RNF113A: variants seen among roughly 807,000 people sequenced by gnomAD.
The protein encoded by RNF113A is ring finger protein 113A.
For synonymous variants in RNF113A, 80 were observed against 110.5 expected (o/e 0.72, Z 1.73); for missense variants, 180 against 285.4 (o/e 0.63, Z 2.66).
rs781318480 is a variant in RNF113A at position 119,871,055 on chromosome X, C to T, written c.559G>A (p.Glu187Lys). The T allele has an allele frequency of 1.7e-6, 2 of 1,211,748 alleles. No homozygotes were observed. Among genetic ancestry groups the T allele is most frequent in the South Asian group, 1.8e-5 (1 of 56,995 alleles). The change falls in exon 1 of 1, where the codon GAG (glutamate) becomes AAG (lysine). Residue 187 changes from glutamate (E) to lysine (K), a missense_variant. Glu to Lys is a moderately conservative substitution (Grantham distance 56). Transcript: ENST00000371442. ...CAGCGCACGGTGGCACGTAGATGCT[C>T]GGGCGCTCGGATGGGGCCCTTCCTC... is the stretch of plus-strand genomic sequence containing the variant. ...MVRKGPIRAP[E>K]HLRATVRWDY...
At position 119,871,378 on chromosome X, in the gene RNF113A, G is replaced by A. The variant is rs778095662; in HGVS notation, c.236C>T (p.Ala79Val). 1 of 1,209,736 alleles carries A rather than the reference G, an allele frequency of 8.3e-7. No homozygotes were observed. Among genetic ancestry groups the A allele is most frequent in the East Asian group, 3.0e-5 (1 of 33,734 alleles). The change falls in exon 1 of 1, where the codon GCT becomes GTT. Residue 79 changes from alanine (A) to valine (V), a missense_variant. Physicochemically the swap from Ala to Val is moderately conservative, Grantham distance 64. Transcript: ENST00000371442. ...CTCTTCGCTGCTCAAGTCGCCGTAA[G>A]CCGCCTTCTGTTTACCACTGTCACG... is the stretch of plus-strand genomic sequence containing the variant. ...KTRDSGKQKAAYGDLSSEEEE... is the reference protein window; with the variant it reads ...KTRDSGKQKAVYGDLSSEEEE...
Position 119,871,628 on chromosome X carries a change from C to T in RNF113A, c.-15G>A. ...TGCTCTGCCATTTTAGAGTCCTGAG[C>T]TCCGAAACAGCCGTGGCTGCCTGGG... On this transcript the variant is annotated 5_prime_UTR_variant, in exon 1 of 1. Coordinates refer to ENST00000371442, the MANE Select transcript of RNF113A (RefSeq NM_006978.3). 8.6e-7 allele frequency: 1 copy of T among 1,168,864 alleles called. No individual in the cohort carries two copies. The highest frequency in any genetic ancestry group is 1.1e-6 in the Non-Finnish European group (1 of 874,824).
Position 119,870,514 on chromosome X carries a change from A to C in RNF113A, c.*68T>G. 9.8e-7 allele frequency: 1 copy of C among 1,017,983 alleles called. No individual in the cohort carries two copies. The highest frequency in any genetic ancestry group is 1.3e-6 in the Non-Finnish European group (1 of 751,382). The allele number at this position is 1,017,983 out of a possible 1,213,427, so 83.9% of individuals were successfully genotyped here. ...TGCTCTGTCACTTTCTCTACAAAGG[A>C]AGGACACGAAGTAAGACTTCCAAAA... On this transcript the variant is annotated 3_prime_UTR_variant, in exon 1 of 1. Coordinates refer to ENST00000371442, the MANE Select transcript of RNF113A (RefSeq NM_006978.3).
chrX:119,871,046 G>A lies in RNF113A; in HGVS notation c.568C>T (p.Arg190Cys), dbSNP rs2056407658. 1 of 1,209,763 alleles carries A rather than the reference G, an allele frequency of 8.3e-7. No individual in the cohort carries two copies. Residue 190 changes from arginine (R) to cysteine (C), a missense_variant, in exon 1 of 1, where the codon CGT becomes TGT. Physicochemically the swap from Arg to Cys is radical, Grantham distance 180. Transcript: ENST00000371442. The part of the protein sequence containing the change: ...KGPIRAPEHL[R>C]ATVRWDYQPD... ...TGGTAATCCCAGCGCACGGTGGCAC[G>A]TAGATGCTCGGGCGCTCGGATGGGG...
rs746787077 is a variant in RNF113A, at chrX:119,871,289, C to T, written c.325G>A (p.Val109Met). Residue 109 changes from valine (V) to methionine (M), a missense_variant, in exon 1 of 1, where the codon GTG becomes ATG. Transcript: ENST00000371442. Reference sequence around the variant, plus strand: ...GTCGCTCCCATATCCTCTGGTCCCACGGGTTTCGCCGAACGGGTGGATTTA... The same window carrying T: ...GTCGCTCCCATATCCTCTGGTCCCATGGGTTTCGCCGAACGGGTGGATTTA... ...VYKSTRSAKP[V>M]GPEDMGATAV... is the part of the protein sequence containing the mutation. 51 of 1,209,435 alleles carry T rather than the reference C, an allele frequency of 4.2e-5. No individual in the cohort carries two copies. The highest frequency in any genetic ancestry group is 5.6e-5 in the Non-Finnish European group (50 of 895,256).
chrX:119,871,709 C>A lies in RNF113A; in HGVS notation c.-96G>T. On this transcript the variant is annotated 5_prime_UTR_variant, in exon 1 of 1. Coordinates refer to ENST00000371442, the MANE Select transcript of RNF113A (RefSeq NM_006978.3). ...TTGCGCGCTCCGCCGGGAGTCGAAG[C>A]AAAAGACACTGACGGAAGAGGACTG... 1.0e-6 allele frequency: 1 copy of A among 978,904 alleles called. No homozygotes were observed. The highest frequency in any genetic ancestry group is 1.4e-6 in the Non-Finnish European group (1 of 708,378). The allele number at this position is 978,904 out of a possible 1,213,427, so 80.7% of individuals were successfully genotyped here.
At position 119,871,389 on chromosome X, in the gene RNF113A, T is replaced by C. The variant is rs370353872; in HGVS notation, c.225A>G (p.Lys75=). The change falls in exon 1 of 1, where the codon AAA becomes AAG. Residue 75 remains lysine (K), a synonymous_variant. Transcript: ENST00000371442. ...PMIQKTRDSG[K]QKAAYGDLSS... ...TCAAGTCGCCGTAAGCCGCCTTCTG[T>C]TTACCACTGTCACGGGTCTTCTGTA... 1 of 1,209,724 alleles carries C rather than the reference T, an allele frequency of 8.3e-7. No individual in the cohort carries two copies. The highest frequency in any genetic ancestry group is 1.1e-6 in the Non-Finnish European group (1 of 895,172).
In RNF113A at chrX:119,871,191, C is replaced by T. The variant is rs2147812492; in HGVS notation, c.423G>A (p.Gln141=). ...QAIFERSQKI[Q]EELRGKEDDK... is the part of the protein sequence containing the mutation. Reference sequence around the variant, plus strand: ...CATCCTCCTTGCCCCTCAGCTCCTCCTGGATCTTCTGGCTGCGCTCAAAGA... The same window carrying T: ...CATCCTCCTTGCCCCTCAGCTCCTCTTGGATCTTCTGGCTGCGCTCAAAGA... The change falls in exon 1 of 1, where the codon CAG becomes CAA. Residue 141 remains glutamine (Q), a synonymous_variant. Transcript: ENST00000371442. 2.5e-6 allele frequency: 3 copies of T among 1,211,226 alleles called. No individual in the cohort carries two copies. Among genetic ancestry groups the T allele is most frequent in the Non-Finnish European group, 1.1e-6 (1 of 895,591 alleles).
In RNF113A at chrX:119,871,510, G is replaced by A. The variant is rs2147812702; in HGVS notation, c.104C>T (p.Ala35Val). 1.1e-5 allele frequency: 13 copies of A among 1,212,312 alleles called. No individual in the cohort carries two copies. The highest frequency in any genetic ancestry group is 1.5e-5 in the Non-Finnish European group (13 of 895,609). The change falls in exon 1 of 1, where the codon GCC (alanine) becomes GTC (valine). Residue 35 changes from alanine to valine, a missense_variant. By Grantham distance (64) the Ala-to-Val change is moderately conservative. Coordinates refer to ENST00000371442, the MANE Select transcript of RNF113A (RefSeq NM_006978.3). ...KGAAGRRKRPACDPEPGESGS... is the reference protein window; with the variant it reads ...KGAAGRRKRPVCDPEPGESGS... The stretch of plus-strand genomic sequence containing the variant: ...GCTTTCTCCGGGCTCTGGGTCGCAG[G>A]CCGGGCGCTTTCTGCGTCCAGCAGC...
rs1198122235 is a variant in RNF113A at position 119,871,338 on chromosome X, C to T, written c.276G>A (p.Glu92=). 4.1e-6 allele frequency: 5 copies of T among 1,211,687 alleles called. No individual in the cohort carries two copies. In the South Asian group the frequency reaches 8.8e-5, roughly 21 times the overall value. The part of the protein sequence containing the change: ...DLSSEEEEEN[E]PESLGVVYKS... ...TATAAACCACGCCGAGACTCTCGGG[C>T]TCATTTTCCTCTTCCTCTTCGCTGC... Residue 92 remains glutamate, a synonymous_variant, in exon 1 of 1, where the codon GAG becomes GAA. Transcript: ENST00000371442.
rs2056412240 is a variant in RNF113A at position 119,871,715 on chromosome X, A to T, written c.-102T>A. ...GCTCCGCCGGGAGTCGAAGCAAAAG[A>T]CACTGACGGAAGAGGACTGCGAGAG... On this transcript the variant is annotated 5_prime_UTR_variant, in exon 1 of 1. Coordinates refer to ENST00000371442, the MANE Select transcript of RNF113A (RefSeq NM_006978.3). 1.0e-6 allele frequency: 1 copy of T among 961,938 alleles called. No homozygotes were observed. The highest frequency in any genetic ancestry group is 1.4e-6 in the Non-Finnish European group (1 of 692,862). 79.3% of individuals were successfully genotyped at this position (961,938 alleles called of 1,213,427 possible). A position where few individuals can be genotyped will look rare whatever the true frequency, so the allele number is the denominator to read the frequency against.
Position 119,871,447 on chromosome X carries a change from G to A in RNF113A, c.167C>T (p.Pro56Leu), listed in dbSNP as rs908412913. The A allele has an allele frequency of 8.3e-7, 1 of 1,210,556 alleles. No homozygotes were observed. Among genetic ancestry groups the A allele is most frequent in the African/African-American group, 1.7e-5 (1 of 57,359 alleles). Reference protein sequence around the residue: ...SSDEGCTVVRPEKKRVTHNPM... With the variant: ...SSDEGCTVVRLEKKRVTHNPM... ...ATTGTGGGTCACCCGCTTCTTTTCC[G>A]GTCGAACCACAGTGCAGCCTTCGTC... The change falls in exon 1 of 1, where the codon CCG becomes CTG. Residue 56 changes from proline to leucine, a missense_variant. Coordinates refer to ENST00000371442, the MANE Select transcript of RNF113A (RefSeq NM_006978.3).
At position 119,871,014 on chromosome X, in the gene RNF113A, G is replaced by A; in HGVS notation, c.600C>T (p.Asp200=). 6 of 1,211,739 alleles carry A rather than the reference G, an allele frequency of 5.0e-6. No individual in the cohort carries two copies. Among genetic ancestry groups the A allele is most frequent in the Non-Finnish European group, 6.7e-6 (6 of 895,585 alleles). ...CAGTCTCTTTGTAGTCCTTACAGATGTCGGGCTGGTAATCCCAGCGCACGG... is the reference window on the plus strand; with the variant it reads ...CAGTCTCTTTGTAGTCCTTACAGATATCGGGCTGGTAATCCCAGCGCACGG... ...RATVRWDYQP[D]ICKDYKETGF... Residue 200 remains aspartate, a synonymous_variant, in exon 1 of 1, where the codon GAC becomes GAT. Coordinates refer to ENST00000371442, the MANE Select transcript of RNF113A (RefSeq NM_006978.3).
In RNF113A at chrX:119,871,448, G is replaced by A. The variant is rs1275769624; in HGVS notation, c.166C>T (p.Pro56Ser). The part of the protein sequence containing the change: ...SSDEGCTVVR[P>S]EKKRVTHNPM... The stretch of plus-strand genomic sequence containing the variant: ...TTGTGGGTCACCCGCTTCTTTTCCG[G>A]TCGAACCACAGTGCAGCCTTCGTCG... Residue 56 changes from proline to serine, a missense_variant, in exon 1 of 1, where the codon CCG (proline) becomes TCG (serine). Transcript: ENST00000371442. The A allele has an allele frequency of 8.3e-7, 1 of 1,212,019 alleles. No homozygotes were observed. The highest frequency in any genetic ancestry group is 1.8e-5 in the South Asian group (1 of 57,013).
In RNF113A at chrX:119,871,369, T is replaced by A; in HGVS notation, c.245A>T (p.Asp82Val). The change falls in exon 1 of 1, where the codon GAC becomes GTC. Residue 82 changes from aspartate to valine, a missense_variant. Asp to Val is a radical substitution (Grantham distance 152). Coordinates refer to ENST00000371442, the MANE Select transcript of RNF113A (RefSeq NM_006978.3). ...DSGKQKAAYG[D>V]LSSEEEEENE... is the part of the protein sequence containing the mutation. The stretch of plus-strand genomic sequence containing the variant: ...TTCCTCTTCCTCTTCGCTGCTCAAG[T>A]CGCCGTAAGCCGCCTTCTGTTTACC... 8.3e-7 allele frequency: 1 copy of A among 1,211,761 alleles called. No individual in the cohort carries two copies. Among genetic ancestry groups the A allele is most frequent in the Non-Finnish European group, 1.1e-6 (1 of 895,567 alleles).
In RNF113A at chrX:119,871,344, T is replaced by C; in HGVS notation, c.270A>G (p.Glu90=). ...CCACGCCGAGACTCTCGGGCTCATTTTCCTCTTCCTCTTCGCTGCTCAAGT... is the reference window on the plus strand; with the variant it reads ...CCACGCCGAGACTCTCGGGCTCATTCTCCTCTTCCTCTTCGCTGCTCAAGT... ...YGDLSSEEEE[E]NEPESLGVVY... Residue 90 remains glutamate, a synonymous_variant, in exon 1 of 1, where the codon GAA becomes GAG. Transcript: ENST00000371442. The C allele has an allele frequency of 1.7e-6, 2 of 1,211,498 alleles. No individual in the cohort carries two copies. Among genetic ancestry groups the C allele is most frequent in the Non-Finnish European group, 2.2e-6 (2 of 895,542 alleles).
Position 119,871,251 on chromosome X carries a change from C to T in RNF113A, c.363G>A (p.Glu121=). The T allele has an allele frequency of 8.3e-7, 1 of 1,211,753 alleles. No individual in the cohort carries two copies. Among genetic ancestry groups the T allele is most frequent in the Non-Finnish European group, 1.1e-6 (1 of 895,639 alleles). Residue 121 remains glutamate, a synonymous_variant, in exon 1 of 1, where the codon GAG becomes GAA. Coordinates refer to ENST00000371442, the MANE Select transcript of RNF113A (RefSeq NM_006978.3). ...CATCGCGCTCTTTCTCTGTGTCCAG[C>T]TCATAGACAGCTGTCGCTCCCATAT... ...PEDMGATAVY[E]LDTEKERDAQ...
In RNF113A at chrX:119,871,566, G is replaced by C; in HGVS notation, c.48C>G (p.Thr16=). 1 of 1,204,852 alleles carries C rather than the reference G, an allele frequency of 8.3e-7. No individual in the cohort carries two copies. Among genetic ancestry groups the C allele is most frequent in the Non-Finnish European group, 1.1e-6 (1 of 892,086 alleles). Residue 16 remains threonine, a synonymous_variant, in exon 1 of 1, where the codon ACC becomes ACG. Transcript: ENST00000371442. ...TCCGCCCAGGCTTTTTGAAAAGGAA[G>C]GTGCACACCTGATCCACCGCCTTTC... ...SPGKAVDQVC[T]FLFKKPGRKG... is the part of the protein sequence containing the mutation.
In RNF113A at chrX:119,870,490, GCT is replaced by G; in HGVS notation, c.*90_*91del. On this transcript the variant is annotated 3_prime_UTR_variant, in exon 1 of 1. Coordinates refer to ENST00000371442, the MANE Select transcript of RNF113A (RefSeq NM_006978.3). ...CAGGACCCTACTTCACCACCCGCCT[GCT>G]CTGTCACTTTCTCTACAAAGGAAGG... 1 of 906,153 alleles carries G rather than the reference GCT, an allele frequency of 1.1e-6. No individual in the cohort carries two copies. Among genetic ancestry groups the G allele is most frequent in the Non-Finnish European group, 1.5e-6 (1 of 655,266 alleles). The allele number at this position is 906,153 out of a possible 1,213,427, so 74.7% of individuals were successfully genotyped here.
Sources: gnomAD v4.1 joint callset for allele counts on GRCh38, gnomAD v4.1.1 for gene constraint, MANE v1.5 for transcripts, NCBI Gene and HGNC (gene_info 2026-07-23, HGNC 2026-07-21) for gene names.